Variants in MTX2 observed in about 807,000 individuals in gnomAD.
MTX2 encodes the protein metaxin 2.
A neutral mutation model predicts 42.3 loss-of-function variants in MTX2; 35 were observed. The ratio of observed to expected loss-of-function variants is 0.83; its 90% CI spans 0.63 to 1.10. The LOEUF is 1.10. Among genes scored for constraint, MTX2 ranks in the 50% least tolerant of loss-of-function variants. The pLI, the probability that MTX2 is intolerant of heterozygous loss-of-function variation, is 0.00. For missense variants in MTX2, 307 were observed against 304.1 expected (o/e 1.01, Z -0.07); for synonymous variants, 119 against 100.9 (o/e 1.18, Z -1.08).
intron 5 of MTX2, 63 bp from the exon 6 acceptor site, chr2:176,328,230 A>G: frequency 9.6e-7 from 1 of 1,044,764 alleles, no homozygotes; most frequent in Non-Finnish European, 1.4e-6. Flanking sequence ...TGTTAGTGAG[A>G]TAACTGAAAG....
In MTX2 at chr2:176,337,580, G is replaced by A; in HGVS notation, c.708G>A (p.Val236=). ...CAAATGATGAACTTTCTGAGAAGGT[G>A]AAAAACTATAGCAACCTCCTTGCTT... is the stretch of plus-strand genomic sequence containing the variant. ...QLTNDELSEK[V]KNYSNLLAFC... Residue 236 remains valine, a synonymous_variant, in exon 10 of 10, where the codon GTG becomes GTA. Coordinates refer to ENST00000249442, the MANE Select transcript of MTX2 (RefSeq NM_006554.5). 1.2e-6 allele frequency: 2 copies of A among 1,613,462 alleles called. No homozygotes were observed. The highest frequency in any genetic ancestry group is 1.7e-6 in the Non-Finnish European group (2 of 1,179,602).
chr2:176,285,418 C>CTTT (rs61139522), intron 1 of MTX2, among the ~76,000 whole-genome samples: 4 of 130,764 alleles, frequency 3.1e-5, no homozygotes, highest in South Asian at 2.5e-4. Flanking sequence ...TTGCCACAAT[C>CTTT]TTTTTTTTTT....
In MTX2 at chr2:176,337,148, T is replaced by G. The variant is rs565976428; in HGVS notation, c.621-345T>G. ...CCTCCACCTCCCGGGCTTAAGCCAT[T>G]CTACCACCTCAGCCTCCCGTGTAGC... On this transcript the variant is annotated intron_variant, in intron 9 of 9. Coordinates refer to ENST00000249442, the MANE Select transcript of MTX2 (RefSeq NM_006554.5). 3.9e-5 allele frequency among the ~76,000 whole-genome samples: 6 copies of G among 152,260 alleles called. No individual in the cohort carries two copies. The South Asian group carries it at 1.2e-3, about 32-fold the overall frequency.
intron 1 of MTX2, among the ~76,000 whole-genome samples, chr2:176,278,621 C>T (rs1207994199): frequency 5.3e-5 from 8 of 152,052 alleles, no homozygotes; most frequent in Admixed American, 5.2e-4. Context: ...CCAAGCTTGC[C>T]ATATTTTGGT....
At chr2:176,270,084 T>G in intron 1 of MTX2, 2 of 316,758 alleles carry the variant, frequency 6.3e-6, no homozygotes, top group Non-Finnish European at 1.2e-5. Flanking sequence ...ACTAATCAGT[T>G]GTTACCTATT....
intron 3 of MTX2, among the ~76,000 whole-genome samples, chr2:176,313,388 CTTTTTTTTTTT>C (rs1207416607): frequency 2.9e-5 from 3 of 103,492 alleles, no homozygotes; most frequent in South Asian, 3.4e-4. Flanking sequence ...TACACTGATT[CTTTTTTTTTTT>C]TTTTTTTTTT....
chr2:176,325,614 C>T (rs2105441808), intron 4 of MTX2, among the ~76,000 whole-genome samples: 1 of 151,690 alleles, frequency 6.6e-6, no homozygotes, highest in East Asian at 1.9e-4. Context: ...AAATATTATA[C>T]CCCCAAATAC....
chr2:176,312,536 G>A (rs1235745021), intron 3 of MTX2, among the ~76,000 whole-genome samples: 2 of 151,908 alleles, frequency 1.3e-5, no homozygotes, highest in African/African-American at 4.8e-5. Context: ...TATATATATT[G>A]AAAACATAGA....
chr2:176,272,502 C>G (rs960211581), intron 1 of MTX2, among the ~76,000 whole-genome samples: 1 of 151,938 alleles, frequency 6.6e-6, no homozygotes, highest in East Asian at 1.9e-4. Context: ...TTATTTAGTT[C>G]AAAATATCAC....
rs76746458 is a variant in MTX2, at chr2:176,282,405, C to T, written c.40+12736C>T. ...TAGTAAGCCTTTGCTGAACATTTTGCCTCCGTTTCCTCAAACTGCATTAGG... is the reference window on the plus strand; with the variant it reads ...TAGTAAGCCTTTGCTGAACATTTTGTCTCCGTTTCCTCAAACTGCATTAGG... On this transcript the variant is annotated intron_variant, in intron 1 of 9. Coordinates refer to ENST00000249442, the MANE Select transcript of MTX2 (RefSeq NM_006554.5). 3.3e-3 allele frequency among the ~76,000 whole-genome samples: 501 copies of T among 151,968 alleles called. 6 individuals carry two copies. The East Asian group carries it at 0.036, about 11-fold the overall frequency.
At chr2:176,277,103 A>T (rs1692967789) in intron 1 of MTX2, among the ~76,000 whole-genome samples, 1 of 152,226 alleles carries the variant, frequency 6.6e-6, no homozygotes, top group Non-Finnish European at 1.5e-5. Context: ...ATATGTACGC[A>T]TCTTGAAAGT....
At chr2:176,335,078 T>C (rs1022716082) in intron 9 of MTX2, among the ~76,000 whole-genome samples, 3 of 151,828 alleles carry the variant, frequency 2.0e-5, no homozygotes, top group Admixed American at 1.3e-4. Context: ...AATTATCAAA[T>C]GTAGAATTAA....
chr2:176,334,040 AAAGT>A lies in MTX2; in HGVS notation c.620+3383_620+3386del, dbSNP rs1684925924. ...TGAATTCTACTTCTGTTGATGTTCT[AAAGT>A]AACTTGCCACAAAGTTGCTGTCTTT... On this transcript the variant is annotated intron_variant, in intron 9 of 9. Transcript: ENST00000249442. Among the ~76,000 whole-genome samples, 6 of 151,790 alleles carry A rather than the reference AAAGT, an allele frequency of 4.0e-5. 1 individual carries two copies. The highest frequency in any genetic ancestry group is 3.3e-4 in the Admixed American group (5 of 15,184).
In MTX2 at chr2:176,296,843, C is replaced by G. The variant is rs967130451; in HGVS notation, c.41-17C>G. On this transcript the variant is annotated splice_polypyrimidine_tract_variant and intron_variant, in intron 1 of 9. Coordinates refer to ENST00000249442, the MANE Select transcript of MTX2 (RefSeq NM_006554.5). The stretch of plus-strand genomic sequence containing the variant: ...TTTTGCTTTATGTGCCTAATTATCA[C>G]TGCCTTGTTTCCATAGCTGCAGAAC... 2.5e-6 allele frequency: 4 copies of G among 1,612,866 alleles called. No homozygotes were observed. Among genetic ancestry groups the G allele is most frequent in the Admixed American group, 1.7e-5 (1 of 59,976 alleles).
chr2:176,317,925 C>T (rs1684484868), intron 3 of MTX2, among the ~76,000 whole-genome samples: 1 of 152,100 alleles, frequency 6.6e-6, no homozygotes, highest in African/African-American at 2.4e-5. Context: ...TCACCTCTGC[C>T]TTCTGTGTTA....
chr2:176,269,770 G>C, intron 1 of MTX2, 101 bp downstream of exon 1: 1 of 1,358,010 alleles, frequency 7.4e-7, no homozygotes, highest in Middle Eastern at 2.6e-4. Flanking sequence ...GGCATTATAC[G>C]CTGAACCCGG....
At chr2:176,285,473 A>G (rs1053510329) in intron 1 of MTX2, among the ~76,000 whole-genome samples, 1 of 149,218 alleles carries the variant, frequency 6.7e-6, no homozygotes, top group Non-Finnish European at 1.5e-5. Context: ...CCACAGTCTA[A>G]CAGTAGGTTT....
intron 3 of MTX2, among the ~76,000 whole-genome samples, chr2:176,306,218 A>G (rs956638064): frequency 1.2e-4 from 18 of 152,162 alleles, no homozygotes; most frequent in African/African-American, 2.4e-4. Context: ...AGCTTCATCC[A>G]TGTCCCTACA....
At position 176,329,323 on chromosome 2, in the gene MTX2, C is replaced by T. The variant is rs566651317; in HGVS notation, c.440C>T (p.Ser147Phe). ...VGEITHARYG[S>F]PYPWPLNHIL... is the part of the protein sequence containing the mutation. ...TAGATCACTCATGCTAGGTATGGAT[C>T]TCCTTACCCTTGGCCTCTGAATCAT... The change falls in exon 8 of 10, where the codon TCT (serine) becomes TTT (phenylalanine). Residue 147 changes from serine (S) to phenylalanine (F), a missense_variant. Coordinates refer to ENST00000249442, the MANE Select transcript of MTX2 (RefSeq NM_006554.5). 1.1e-5 allele frequency: 18 copies of T among 1,606,538 alleles called. No homozygotes were observed. In the African/African-American group the frequency reaches 1.2e-4, roughly 11 times the overall value.
Sources: allele counts gnomAD v4.1 joint callset (sites outside exome capture counted in the v4.1 genomes callset), GRCh38; gene constraint gnomAD v4.1.1; transcripts MANE v1.5; gene names NCBI Gene and HGNC (gene_info 2026-07-23, HGNC 2026-07-21).